LAMA3: variants seen among roughly 807,000 people sequenced by gnomAD.
The protein encoded by LAMA3 is laminin subunit alpha 3.
Under a neutral mutation model 402.0 loss-of-function variants are expected in LAMA3, and 281 were observed. The observed-to-expected ratio is 0.70, with a 90% CI of 0.63 to 0.77. The LOEUF is 0.77. Among genes scored for constraint, LAMA3 ranks in the 30% least tolerant of loss-of-function variants. LAMA3 has a pLI of 0.00. For missense variants in LAMA3, 3,840 were observed against 4,215.5 expected (o/e 0.91, Z 2.47); for synonymous variants, 1,431 against 1,558.4 (o/e 0.92, Z 1.93).
At chr18:23,844,082 A>T (rs1258812928) in intron 29 of LAMA3, among the ~76,000 whole-genome samples, 1 of 152,202 alleles carries the variant, frequency 6.6e-6, no homozygotes, top group Non-Finnish European at 1.5e-5. Context: ...CAAGGGCTGC[A>T]TCTGTTCATT....
At chr18:23,872,722 G>A in intron 38 of LAMA3, 1 of 374,058 alleles carries the variant, frequency 2.7e-6, no homozygotes, top group Non-Finnish European at 5.1e-6. Flanking sequence ...GGAAAGAGAG[G>A]GACTCTGGAT....
intron 47 of LAMA3, among the ~76,000 whole-genome samples, 158 bp from the exon 48 acceptor site, chr18:23,900,969 A>AGCAG (rs751219865): frequency 2.0e-5 from 3 of 152,214 alleles, no homozygotes; most frequent in Non-Finnish European, 4.4e-5. Context: ...CAGTGCACAT[A>AGCAG]GCAGGTCTGT....
intron 12 of LAMA3, among the ~76,000 whole-genome samples, chr18:23,788,255 C>T (rs1301203194): frequency 6.6e-6 from 1 of 151,668 alleles, no homozygotes; most frequent in East Asian, 1.9e-4. Context: ...TATAGAGAGA[C>T]ATAATATGTA....
At chr18:23,758,137 C>A (rs2061889167) in intron 6 of LAMA3, among the ~76,000 whole-genome samples, 1 of 152,202 alleles carries the variant, frequency 6.6e-6, no homozygotes, top group Non-Finnish European at 1.5e-5. Context: ...GTCTGGCTCT[C>A]CATTTATCAC....
intron 54 of LAMA3, among the ~76,000 whole-genome samples, chr18:23,908,912 T>A (rs1481552277): frequency 6.6e-6 from 1 of 152,228 alleles, no homozygotes. Flanking sequence ...AACTTATGAA[T>A]TGCTTATTTC....
At chr18:23,906,858 C>G (rs2081265415) in intron 52 of LAMA3, among the ~76,000 whole-genome samples, 1 of 152,136 alleles carries the variant, frequency 6.6e-6, no homozygotes. Flanking sequence ...TAAACCAGTC[C>G]TGGAATCGTA....
At chr18:23,854,067 C>T (rs1036551054) in intron 32 of LAMA3, among the ~76,000 whole-genome samples, 19 of 152,226 alleles carry the variant, frequency 1.2e-4, no homozygotes, top group African/African-American at 1.9e-4. Flanking sequence ...ATTTGCAGGC[C>T]GCTGCTCTCC....
chr18:23,730,004 T>C (rs2061364435), intron 2 of LAMA3, among the ~76,000 whole-genome samples: 1 of 152,236 alleles, frequency 6.6e-6, no homozygotes, highest in East Asian at 1.9e-4. Flanking sequence ...GCCCACTGTG[T>C]TCCCCTGCAA....
In LAMA3 at chr18:23,839,395, C is replaced by A. The variant is rs374387540; in HGVS notation, c.3192-390C>A. On this transcript the variant is annotated intron_variant, in intron 26 of 74. Transcript: ENST00000313654. This position sits in a 1 kb window ranked among gnomAD's most constrained non-coding sequence, Gnocchi z 4.5. ...CCAACACAATGTGATTCTGGTTGTG[C>A]GTAAAAGAGACGATGTATATTTTTT... Among the ~76,000 whole-genome samples, 3 of 152,066 alleles carry A rather than the reference C, an allele frequency of 2.0e-5. No homozygotes were observed. Among genetic ancestry groups the A allele is most frequent in the Admixed American group, 2.0e-4 (3 of 15,272 alleles).
At chr18:23,762,918 G>A (rs945606581) in intron 7 of LAMA3, among the ~76,000 whole-genome samples, 5 of 151,068 alleles carry the variant, frequency 3.3e-5, no homozygotes, top group Admixed American at 6.6e-5. Context: ...GTGCAGTGGC[G>A]AGATCTTGGC....
At chr18:23,917,978 A>G (rs940217308) in intron 60 of LAMA3, among the ~76,000 whole-genome samples, 4 of 151,956 alleles carry the variant, frequency 2.6e-5, no homozygotes, top group East Asian at 1.9e-4. Flanking sequence ...AGGCATTTCT[A>G]TGTCTAGAAT....
At position 23,907,632 on chromosome 18, in the gene LAMA3, A is replaced by C; in HGVS notation, c.6801A>C (p.Thr2267=). 6.2e-7 allele frequency: 1 copy of C among 1,613,770 alleles called. No individual in the cohort carries two copies. Among genetic ancestry groups the C allele is most frequent in the African/African-American group, 1.3e-5 (1 of 75,048 alleles). Residue 2267 remains threonine (T), a synonymous_variant, in exon 53 of 75, where the codon ACA becomes ACC. Transcript: ENST00000313654. ...AAGAAGTGATAGACACCAATCTCAC[A>C]ACTCTCCGAGATGGTCTTCATGGGA... ...VQKEVIDTNL[T]TLRDGLHGIQ...
In LAMA3 at chr18:23,932,247, C is replaced by T. The variant is rs138908985; in HGVS notation, c.8664C>T (p.Gly2888=). 4.3e-5 allele frequency: 70 copies of T among 1,613,880 alleles called. No individual in the cohort carries two copies. Among genetic ancestry groups the T allele is most frequent in the African/African-American group, 2.0e-4 (15 of 74,906 alleles). Residue 2888 remains glycine, a synonymous_variant, in exon 66 of 75, where the codon GGC becomes GGT. Transcript: ENST00000313654. ...GTTCCCGGCAGTCTCTGCGTCTGGGCGGGAGCAATTTTGAGGGTTGTATTA... is the reference window on the plus strand; with the variant it reads ...GTTCCCGGCAGTCTCTGCGTCTGGGTGGGAGCAATTTTGAGGGTTGTATTA... ...ISSSRQSLRL[G]GSNFEGCISN...
intron 69 of LAMA3, among the ~76,000 whole-genome samples, chr18:23,945,003 T>G (rs1640590460): frequency 1.3e-5 from 2 of 151,996 alleles, no homozygotes; most frequent in Admixed American, 1.3e-4. Flanking sequence ...CATGGTGGCA[T>G]GCACCTGTAA....
chr18:23,787,479 A>G (rs1437373711), intron 12 of LAMA3, among the ~76,000 whole-genome samples: 6 of 152,174 alleles, frequency 3.9e-5, no homozygotes, highest in African/African-American at 1.2e-4. Context: ...TCCAAATAGC[A>G]TAAATACAGA....
At chr18:23,754,992 T>C (rs528131266) in intron 6 of LAMA3, among the ~76,000 whole-genome samples, 1 of 152,338 alleles carries the variant, frequency 6.6e-6, no homozygotes, top group African/African-American at 2.4e-5. Context: ...CCCTTAATGT[T>C]GTTGTTCCCC....
chr18:23,744,002 C>T (rs1489705448), intron 2 of LAMA3, among the ~76,000 whole-genome samples: 10 of 152,132 alleles, frequency 6.6e-5, no homozygotes, highest in Non-Finnish European at 1.5e-4. Context: ...AACATAAGTA[C>T]TGAGAGTAAA....
At chr18:23,858,245 A>G (rs2064131392) in intron 33 of LAMA3, among the ~76,000 whole-genome samples, 1 of 152,168 alleles carries the variant, frequency 6.6e-6, no homozygotes, top group Non-Finnish European at 1.5e-5. Context: ...AATCAGCACA[A>G]ACTTTTATCT....
In LAMA3 at chr18:23,844,921, G is replaced by A. The variant is rs2063779627; in HGVS notation, c.3604-88G>A. The stretch of plus-strand genomic sequence containing the variant: ...AAGCATTTCAGATTTTGGATTTTTC[G>A]AGTAGGGGTGCTCAACCTGTATAAT... On this transcript the variant is annotated intron_variant, in intron 29 of 74. Transcript: ENST00000313654. The A allele has an allele frequency of 3.3e-5, 26 of 794,956 alleles. No individual in the cohort carries two copies. In the Admixed American group the frequency reaches 3.6e-4, roughly 11 times the overall value. 49.2% of individuals were successfully genotyped at this position (794,956 alleles called of 1,614,324 possible).
Sources: gnomAD v4.1 joint callset for allele counts (sites outside exome capture counted in the v4.1 genomes callset) on GRCh38, gnomAD v4.1.1 for gene constraint, Gnocchi (gnomAD v3.1) non-coding constraint, MANE v1.5 for transcripts, NCBI Gene and HGNC (gene_info 2026-07-23, HGNC 2026-07-21) for gene names.